Variants in ZBTB24 observed in about 807,000 individuals in gnomAD.
ZBTB24 encodes the protein zinc finger and BTB domain-containing protein 24.
In ZBTB24, 32 loss-of-function variants were observed where a neutral mutation model predicts 53.8. That is an observed-to-expected ratio of 0.60 (90% CI 0.45 to 0.80). ZBTB24 has a LOEUF of 0.80. Among genes scored for constraint, ZBTB24 ranks in the 30% least tolerant of loss-of-function variants. The pLI, the probability that ZBTB24 is intolerant of heterozygous loss-of-function variation, is 0.00. For missense variants in ZBTB24, 722 were observed against 837.1 expected (o/e 0.86, Z 1.70); for synonymous variants, 297 against 306.7 (o/e 0.97, Z 0.33).
Position 109,465,633 on chromosome 6 carries a change from TA to T in ZBTB24, c.*217del. 6.5e-7 allele frequency: 1 copy of T among 1,542,002 alleles called. No homozygotes were observed. Among genetic ancestry groups the T allele is most frequent in the Non-Finnish European group, 8.7e-7 (1 of 1,149,452 alleles). On this transcript the variant is annotated 3_prime_UTR_variant, in exon 7 of 7. Transcript: ENST00000230122. ...GCAGATTAAAATGAAAACCATTCAA[TA>T]ATATTGAAATGCTCAATACAAATCA...
chr6:109,481,314 T>C lies in ZBTB24; in HGVS notation c.713A>G (p.Asn238Ser). ...GCCATCCTCGGTCTTGGGATCATAG[T>C]TCTCATCTTTTTCAACTGGCATTTC... ...EEEMPVEKDENYDPKTEDGQA... is the reference protein window; with the variant it reads ...EEEMPVEKDESYDPKTEDGQA... Residue 238 changes from asparagine (N) to serine (S), a missense_variant, in exon 2 of 7, where the codon AAC (asparagine) becomes AGC (serine). Coordinates refer to ENST00000230122, the MANE Select transcript of ZBTB24 (RefSeq NM_014797.3). 1 of 1,614,110 alleles carries C rather than the reference T, an allele frequency of 6.2e-7. No individual in the cohort carries two copies. The highest frequency in any genetic ancestry group is 2.2e-5 in the East Asian group (1 of 44,892).
At position 109,476,359 on chromosome 6, in the gene ZBTB24, C is replaced by T. The variant is rs557567991; in HGVS notation, c.1121-101G>A. 1.7e-5 allele frequency: 20 copies of T among 1,161,608 alleles called. No homozygotes were observed. In the African/African-American group the frequency reaches 2.9e-4, roughly 17 times the overall value. 72.0% of individuals were successfully genotyped at this position (1,161,608 alleles called of 1,614,324 possible). On this transcript the variant is annotated intron_variant, in intron 3 of 6. Transcript: ENST00000230122. ...TACAGTGGGTCCAGGTCCCCATTTT[C>T]TACAAATGATACAAGCGACTTGTTT...
intron 6 of ZBTB24, 149 bp downstream of exon 6, chr6:109,467,504 C>T: frequency 6.5e-7 from 1 of 1,531,400 alleles, no homozygotes; most frequent in East Asian, 2.4e-5. Context: ...TCAAAACAAA[C>T]AAACAAAACA....
chr6:109,482,165 C>T (rs752936887), intron 1 of ZBTB24, 111 bp from the exon 2 acceptor site: 10 of 848,880 alleles, frequency 1.2e-5, no homozygotes, highest in East Asian at 2.7e-5. Context: ...TTTACCATTA[C>T]CATTTTTGTC....
At position 109,481,630 on chromosome 6, in the gene ZBTB24, TATG is replaced by T; in HGVS notation, c.394_396del (p.His132del). 1 of 1,614,208 alleles carries T rather than the reference TATG, an allele frequency of 6.2e-7. No individual in the cohort carries two copies. Among genetic ancestry groups the T allele is most frequent in the Non-Finnish European group, 8.5e-7 (1 of 1,180,034 alleles). ...TTCAAAGTTGTTGGCTTTGGGGAGCTATGATTATTTTGGAAGTCTGTGTAAGCC... is the reference window on the plus strand; with the variant it reads ...TTCAAAGTTGTTGGCTTTGGGGAGCTATTATTTTGGAAGTCTGTGTAAGCC... On this transcript the variant is annotated inframe_deletion, in exon 2 of 7. Coordinates refer to ENST00000230122, the MANE Select transcript of ZBTB24 (RefSeq NM_014797.3).
In ZBTB24 at chr6:109,476,146, C is replaced by T. The variant is rs372649797; in HGVS notation, c.1204+29G>A. On this transcript the variant is annotated intron_variant, in intron 4 of 6. Coordinates refer to ENST00000230122, the MANE Select transcript of ZBTB24 (RefSeq NM_014797.3). ...AATTCTTATTTGCATTTCTTCCCCC[C>T]CAATCTAAATGTTCTCACTTTATCG... 9 of 1,608,314 alleles carry T rather than the reference C, an allele frequency of 5.6e-6. No individual in the cohort carries two copies. In the Admixed American group the frequency reaches 6.7e-5, roughly 12 times the overall value.
rs1275876485 is a variant in ZBTB24 at position 109,482,005 on chromosome 6, G to C, written c.22C>G (p.Pro8Ala). MAETSPEPSGQLVVHSDA... is the reference protein window; with the variant it reads MAETSPEASGQLVVHSDA... ...GAGTGTACAACAAGCTGCCCAGAAG[G>C]CTCTGGCGATGTTTCTGCCATTTTC... The change falls in exon 2 of 7, where the codon CCT becomes GCT. Residue 8 changes from proline (P) to alanine (A), a missense_variant. Physicochemically the swap from Pro to Ala is conservative, Grantham distance 27. Coordinates refer to ENST00000230122, the MANE Select transcript of ZBTB24 (RefSeq NM_014797.3). The C allele has an allele frequency of 2.3e-5, 37 of 1,614,188 alleles. No individual in the cohort carries two copies. The highest frequency in any genetic ancestry group is 3.1e-5 in the Non-Finnish European group (36 of 1,180,036).
chr6:109,467,877 G>A (rs1385611404), intron 5 of ZBTB24, 143 bp from the exon 6 acceptor site: 4 of 918,146 alleles, frequency 4.4e-6, no homozygotes, highest in Non-Finnish European at 6.6e-6. Context: ...AAGCGTAAAC[G>A]AATGATGCAC....
At chr6:109,478,150 T>TC in intron 2 of ZBTB24, among the ~76,000 whole-genome samples, 1 of 152,204 alleles carries the variant, frequency 6.6e-6, no homozygotes, top group South Asian at 2.1e-4. Context: ...CTGAAGGAAC[T>TC]CCCCAAATCT....
chr6:109,481,172 C>T lies in ZBTB24; in HGVS notation c.855G>A (p.Arg285=), dbSNP rs143216162. 8.4e-5 allele frequency: 136 copies of T among 1,614,106 alleles called. No homozygotes were observed. The highest frequency in any genetic ancestry group is 1.6e-4 in the Middle Eastern group (1 of 6,084). The stretch of plus-strand genomic sequence containing the variant: ...CCTCAGGGCCTCCAGGGCGCTTTCT[C>T]CTTCCACAGATCCTCTTGGCTGAAC... ...DHGSAKRICG[R]RKRPGGPEAR... The change falls in exon 2 of 7, where the codon AGG becomes AGA. Residue 285 remains arginine, a synonymous_variant. Coordinates refer to ENST00000230122, the MANE Select transcript of ZBTB24 (RefSeq NM_014797.3).
At position 109,474,642 on chromosome 6, in the gene ZBTB24, G is replaced by A. The variant is rs1254873218; in HGVS notation, c.1288+757C>T. On this transcript the variant is annotated intron_variant, in intron 5 of 6. Transcript: ENST00000230122. ...CCAGCTACTAGGGAGGCTGAGGCAG[G>A]AGAATCACTTGAACCCGGGAGGCAG... Among the ~76,000 whole-genome samples the A allele has an allele frequency of 4.6e-5, 7 of 152,048 alleles. No individual in the cohort carries two copies. The East Asian group carries it at 1.2e-3, about 25-fold the overall frequency.
At chr6:109,467,537 A>C in intron 6 of ZBTB24, 116 bp downstream of exon 6, 1 of 1,576,016 alleles carries the variant, frequency 6.3e-7, no homozygotes, top group African/African-American at 1.4e-5. Flanking sequence ...TAAACTGCAC[A>C]CAAAATTCTG....
At chr6:109,468,936 A>AG (rs1037257813) in intron 5 of ZBTB24, among the ~76,000 whole-genome samples, 2 of 152,012 alleles carry the variant, frequency 1.3e-5, no homozygotes, top group Non-Finnish European at 2.9e-5. Context: ...AAAAAAGAAA[A>AG]AAAAAAAAAA....
Position 109,465,941 on chromosome 6 carries a change from A to G in ZBTB24, c.2004T>C (p.Ala668=), listed in dbSNP as rs1448808819. ...GCTCCTGTGTCAGCTGCAGGTGCTG[A>G]GCTGGATCTGAAGTACTTGTAGCTA... ...LHLATSTSDP[A]QHLQLTQEPG... The change falls in exon 7 of 7, where the codon GCT becomes GCC. Residue 668 remains alanine (A), a synonymous_variant. Coordinates refer to ENST00000230122, the MANE Select transcript of ZBTB24 (RefSeq NM_014797.3). 1 of 1,614,160 alleles carries G rather than the reference A, an allele frequency of 6.2e-7. No homozygotes were observed. The highest frequency in any genetic ancestry group is 8.5e-7 in the Non-Finnish European group (1 of 1,180,046).
rs1027514250 is a variant in ZBTB24, at chr6:109,482,081, A to G, written c.-28-27T>C. ...TGAAATAAGAAAACAAGGTTTAAAA[A>G]GGAGAAAGCACTGTCTAAAAGGTTA... On this transcript the variant is annotated intron_variant, in intron 1 of 6. Coordinates refer to ENST00000230122, the MANE Select transcript of ZBTB24 (RefSeq NM_014797.3). 18 of 1,520,952 alleles carry G rather than the reference A, an allele frequency of 1.2e-5. No homozygotes were observed. The African/African-American group carries it at 2.1e-4, about 17-fold the overall frequency. The allele number at this position is 1,520,952 out of a possible 1,614,324, so 94.2% of individuals were successfully genotyped here.
At chr6:109,467,155 C>T (rs1430632607) in intron 6 of ZBTB24, among the ~76,000 whole-genome samples, 4 of 152,176 alleles carry the variant, frequency 2.6e-5, no homozygotes, top group African/African-American at 9.7e-5. Context: ...TAAATGAAAT[C>T]AGTAATGTAA....
At chr6:109,478,485 C>G (rs529197462) in intron 2 of ZBTB24, among the ~76,000 whole-genome samples, 8 of 152,130 alleles carry the variant, frequency 5.3e-5, no homozygotes, top group Non-Finnish European at 8.8e-5. Flanking sequence ...CGAGAAATAG[C>G]AGCCTGACTC....
rs1352266107 is a variant in ZBTB24, at chr6:109,463,342, T to G, written c.*2509A>C. 6.6e-6 allele frequency: 1 copy of G among 152,180 alleles called. No homozygotes were observed. Among genetic ancestry groups the G allele is most frequent in the Non-Finnish European group, 1.5e-5 (1 of 68,040 alleles). 9.4% of individuals were successfully genotyped at this position (152,180 alleles called of 1,614,324 possible). ...GTATATGTGGGACAAAGAAAGAGGC[T>G]AGATTAACAAAGCTATCATTTCCTT... On this transcript the variant is annotated 3_prime_UTR_variant, in exon 7 of 7. Transcript: ENST00000230122.
At position 109,476,196 on chromosome 6, in the gene ZBTB24, T is replaced by C. The variant is rs777795643; in HGVS notation, c.1183A>G (p.Ser395Gly). ...GTACCTGTATGAACTCGGTAATGGC[T>C]CTTTAGCTGTCTGTTCTGGCTGAAA... is the stretch of plus-strand genomic sequence containing the variant. Reference protein sequence around the residue: ...KYFSQNRQLKSHYRVHTGHSL... With the variant: ...KYFSQNRQLKGHYRVHTGHSL... Residue 395 changes from serine to glycine, a missense_variant, in exon 4 of 7, where the codon AGC becomes GGC. Physicochemically the swap from Ser to Gly is moderately conservative, Grantham distance 56 (BLOSUM62 0). Coordinates refer to ENST00000230122, the MANE Select transcript of ZBTB24 (RefSeq NM_014797.3). 1 of 1,614,176 alleles carries C rather than the reference T, an allele frequency of 6.2e-7. No homozygotes were observed.
Sources: allele counts gnomAD v4.1 joint callset (sites outside exome capture counted in the v4.1 genomes callset), GRCh38; gene constraint gnomAD v4.1.1; transcripts MANE v1.5; gene names NCBI Gene and HGNC (gene_info 2026-07-23, HGNC 2026-07-21).